Variants in GON4L observed in about 807,000 individuals in gnomAD.
GON4L encodes gon-4 like.
GON4L carries 87 observed loss-of-function variants against 211.8 expected under a neutral mutation model. That is an observed-to-expected ratio of 0.41 (90% CI 0.35 to 0.49). The LOEUF (loss-of-function observed/expected upper bound fraction) is 0.49, where lower values mean the gene tolerates loss of function less well. Ranked by LOEUF, GON4L falls within the 20% of genes least tolerant of loss-of-function variation. GON4L has a pLI of 0.15. For missense variants in GON4L, 2,155 were observed against 2,659.5 expected (o/e 0.81, Z 4.17); for synonymous variants, 875 against 962.6 (o/e 0.91, Z 1.68).
intron 12 of GON4L, among the ~76,000 whole-genome samples, chr1:155,789,370 G>A (rs1665286425): frequency 1.3e-5 from 2 of 152,088 alleles, no homozygotes; most frequent in Non-Finnish European, 2.9e-5. Context: ...ATAGGCTCAT[G>A]CCTGTAAACC....
Position 155,853,794 on chromosome 1 carries a change from C to T in GON4L, c.-14G>A, listed in dbSNP as rs772034300. ...ACAGGGCAACATTTTAAAAGTCCCA[C>T]TTTTGTTCCATTCTGAAAGAATAAA... On this transcript the variant is annotated 5_prime_UTR_variant, in exon 2 of 32. In the 5' UTR this introduces an upstream ATG that the reference lacks. Transcript: ENST00000368331. 1.9e-6 allele frequency: 3 copies of T among 1,609,780 alleles called. No individual in the cohort carries two copies. The highest frequency in any genetic ancestry group is 1.3e-5 in the African/African-American group (1 of 74,998).
rs773712726 is a variant in GON4L at position 155,804,978 on chromosome 1, C to T, written c.1616G>A (p.Gly539Glu). Residue 539 changes from glycine (G) to glutamate (E), a missense_variant, in exon 11 of 32, where the codon GGA (glycine) becomes GAA (glutamate). By Grantham distance (98) the Gly-to-Glu change is moderately conservative (BLOSUM62 -2). Coordinates refer to ENST00000368331, the MANE Select transcript of GON4L (RefSeq NM_001282860.2). ...DDEDWKMWLGGLMNDDVGNED... is the reference protein window; with the variant it reads ...DDEDWKMWLGELMNDDVGNED... ...ATTCCCCACATCATCATTCATAAGTCCCCCCAGCCACATCTTCCAGTCCTC... is the reference window on the plus strand; with the variant it reads ...ATTCCCCACATCATCATTCATAAGTTCCCCCAGCCACATCTTCCAGTCCTC... 2 of 1,613,316 alleles carry T rather than the reference C, an allele frequency of 1.2e-6. No homozygotes were observed. The highest frequency in any genetic ancestry group is 1.7e-6 in the Non-Finnish European group (2 of 1,179,350).
intron 2 of GON4L, among the ~76,000 whole-genome samples, chr1:155,836,652 A>T (rs2102386238): frequency 6.6e-6 from 1 of 152,352 alleles, no homozygotes; most frequent in South Asian, 2.1e-4. Context: ...GTTGTTAGTC[A>T]GTTCGTTGTC....
Position 155,754,503 on chromosome 1 carries a change from GGCTTGATTAGCT to G in GON4L, c.5518-27_5518-16del. The G allele has an allele frequency of 7.5e-7, 1 of 1,328,882 alleles. No individual in the cohort carries two copies. The highest frequency in any genetic ancestry group is 1.1e-6 in the Non-Finnish European group (1 of 941,056). The allele number at this position is 1,328,882 out of a possible 1,614,324, so 82.3% of individuals were successfully genotyped here. A position where few individuals can be genotyped will look rare whatever the true frequency, so the allele number is the denominator to read the frequency against. Reference sequence around the variant, plus strand: ...CATTCAGTCTCCTAGGAGATACTTGGGCTTGATTAGCTGCCAAGTTGTTTTTTTTTTTTTTTT... The same window carrying G: ...CATTCAGTCTCCTAGGAGATACTTGGGCCAAGTTGTTTTTTTTTTTTTTTT... On this transcript the variant is annotated splice_polypyrimidine_tract_variant and intron_variant, in intron 27 of 31. Coordinates refer to ENST00000368331, the MANE Select transcript of GON4L (RefSeq NM_001282860.2).
At chr1:155,745,488 T>G (rs1323465971), downstream of GON4L, among the ~76,000 whole-genome samples, 3 of 152,128 alleles carry the variant, frequency 2.0e-5, no homozygotes, top group Admixed American at 2.0e-4. Context: ...TAAGAAGAGA[T>G]AAGACCTCAA....
At chr1:155,776,544 G>A (rs1386128431) in intron 15 of GON4L, 63 bp from the exon 16 acceptor site, 5 of 1,181,600 alleles carry the variant, frequency 4.2e-6, no homozygotes, top group Non-Finnish European at 6.1e-6. Context: ...GGAATCCAGA[G>A]AGATCTTTTT....
chr1:155,784,958 TA>T, intron 13 of GON4L: 1 of 347,388 alleles, frequency 2.9e-6, no homozygotes, highest in Non-Finnish European at 5.6e-6. Flanking sequence ...ACAAATAAAA[TA>T]ATTAGCTGGG....
chr1:155,789,622 G>GA (rs888495392), intron 12 of GON4L, among the ~76,000 whole-genome samples: 8 of 150,476 alleles, frequency 5.3e-5, no homozygotes, highest in East Asian at 1.9e-4. Flanking sequence ...AAAAAAAAAA[G>GA]AAAAAAAAGT....
In GON4L at chr1:155,750,832, C is replaced by T. The variant is rs919695064; in HGVS notation, c.6577-99G>A. The T allele has an allele frequency of 3.0e-5, 34 of 1,133,528 alleles. No homozygotes were observed. In the African/African-American group the frequency reaches 5.0e-4, roughly 17 times the overall value. 70.2% of individuals were successfully genotyped at this position (1,133,528 alleles called of 1,614,324 possible). ...AGACTGGAGTGCAGTGGCACTGTGT[C>T]AGCTTACTGCAACCTCCGTCTCCTG... On this transcript the variant is annotated intron_variant, in intron 31 of 31. Transcript: ENST00000368331.
Position 155,787,252 on chromosome 1 carries a change from G to A in GON4L, c.1748-1878C>T, listed in dbSNP as rs1231336564. 2.6e-5 allele frequency among the ~76,000 whole-genome samples: 4 copies of A among 152,090 alleles called. 1 individual carries two copies. The East Asian group carries it at 5.8e-4, about 22-fold the overall frequency. ...TTTATTAACTGCATGAAAAGGTGAC[G>A]TGGCTTAAAAATAATGTGAACAAGA... On this transcript the variant is annotated intron_variant, in intron 12 of 31. Transcript: ENST00000368331.
chr1:155,770,320 A>C (rs543497562), intron 19 of GON4L, among the ~76,000 whole-genome samples: 175 of 152,286 alleles, frequency 1.1e-3, no homozygotes, highest in Non-Finnish European at 2.1e-3. Context: ...GACACATGTC[A>C]AAACTTCAAG....
At chr1:155,858,253 G>C (rs993881158), upstream of GON4L, among the ~76,000 whole-genome samples, 1 of 151,956 alleles carries the variant, frequency 6.6e-6, no homozygotes, top group Admixed American at 6.6e-5. Context: ...GGAATCCACG[G>C]AGATTAAAAA....
chr1:155,750,757 T>C (rs1660480794), intron 31 of GON4L, 24 bp from the exon 32 acceptor site: 3 of 1,555,280 alleles, frequency 1.9e-6, no homozygotes, highest in Non-Finnish European at 2.6e-6. Flanking sequence ...AGGGCTGTAT[T>C]CACTGGTCTT....
chr1:155,817,298 G>T (rs773615158), intron 6 of GON4L, among the ~76,000 whole-genome samples: 2 of 152,068 alleles, frequency 1.3e-5, no homozygotes, highest in African/African-American at 2.4e-5. Flanking sequence ...CTAGCCTAAA[G>T]AACTTTTTTA....
intron 10 of GON4L, among the ~76,000 whole-genome samples, chr1:155,809,340 T>TC (rs1667462569): frequency 6.6e-6 from 1 of 151,972 alleles, no homozygotes; most frequent in African/African-American, 2.4e-5. Flanking sequence ...CAGACTAAGT[T>TC]CCATGAAGAA....
At chr1:155,767,233 C>A (rs1662608672) in intron 20 of GON4L, 192 bp downstream of exon 20, 1 of 1,291,902 alleles carries the variant, frequency 7.7e-7, no homozygotes, top group East Asian at 2.5e-5. Context: ...ATTATTTTAC[C>A]TATTATTTTG....
chr1:155,749,206 C>T (rs1660372102), downstream of GON4L: 9 of 1,356,596 alleles, frequency 6.6e-6, no homozygotes, highest in Non-Finnish European at 9.2e-6. Flanking sequence ...GAGCCGAGAT[C>T]ACACCATTGC....
intron 12 of GON4L, among the ~76,000 whole-genome samples, chr1:155,787,408 CAG>C (rs1441733930): frequency 2.0e-5 from 3 of 152,262 alleles, no homozygotes; most frequent in South Asian, 4.1e-4. Context: ...TGAACTAGAG[CAG>C]AGTCTAACAC....
Position 155,752,022 on chromosome 1 carries a change from A to G in GON4L, c.6411T>C (p.Ala2137=). The change falls in exon 30 of 32, where the codon GCT becomes GCC. Residue 2137 remains alanine (A), a synonymous_variant. Coordinates refer to ENST00000368331, the MANE Select transcript of GON4L (RefSeq NM_001282860.2). Reference sequence around the variant, plus strand: ...CCTTGCTGTTGTTGGCACACACCGTAGCTTCTGCGGCCTTTGGCTGCTGCT... The same window carrying G: ...CCTTGCTGTTGTTGGCACACACCGTGGCTTCTGCGGCCTTTGGCTGCTGCT... The part of the protein sequence containing the change: ...EGEQQPKAAE[A]TVCANNSKVS... The G allele has an allele frequency of 1.2e-6, 2 of 1,613,580 alleles. No individual in the cohort carries two copies. Among genetic ancestry groups the G allele is most frequent in the East Asian group, 2.2e-5 (1 of 44,866 alleles).
Sources: gnomAD v4.1 joint callset for allele counts (sites outside exome capture counted in the v4.1 genomes callset) on GRCh38, gnomAD v4.1.1 for gene constraint, MANE v1.5 for transcripts, NCBI Gene and HGNC (gene_info 2026-07-23, HGNC 2026-07-21) for gene names.